The following CTPS1 variants were observed in gnomAD, a reference collection of about 807,000 sequenced individuals.
The protein encoded by CTPS1 is CTP synthase 1, also known as CTP synthetase 1.
A neutral mutation model predicts 80.5 loss-of-function variants in CTPS1; 25 were observed. The observed-to-expected ratio is 0.31, with a 90% CI of 0.23 to 0.43. The LOEUF (loss-of-function observed/expected upper bound fraction) is 0.43, where lower values mean the gene tolerates loss of function less well. Ranked by LOEUF, CTPS1 falls within the 20% of genes least tolerant of loss-of-function variation. The probability of loss-of-function intolerance (pLI) is 1.00; values close to 1 mark genes in which losing one functional copy is unlikely to be tolerated. For missense variants in CTPS1, 442 were observed against 725.7 expected (o/e 0.61, Z 4.49); for synonymous variants, 267 against 252.5 (o/e 1.06, Z -0.54).
chr1:40,984,764 T>C (rs1642409127), intron 2 of CTPS1, 57 bp from the exon 3 acceptor site: 1 of 1,297,924 alleles, frequency 7.7e-7, no homozygotes, highest in Non-Finnish European at 1.0e-6. Context: ...GGATTGCAGT[T>C]GTGCCATGGT....
chr1:41,007,850 A>T lies in CTPS1; in HGVS notation c.1393+305A>T, dbSNP rs1029063894. Among the ~76,000 whole-genome samples, 12 of 152,220 alleles carry T rather than the reference A, an allele frequency of 7.9e-5. No individual in the cohort carries two copies. Among genetic ancestry groups the T allele is most frequent in the Admixed American group, 7.9e-4 (12 of 15,280 alleles). ...TTACTTTCCTATTAAGACCAGCCAT[A>T]TCAATTGCTGATGTTTGGCAATTTT... is the stretch of plus-strand genomic sequence containing the variant. On this transcript the variant is annotated intron_variant, in intron 14 of 18. Transcript: ENST00000650070. The surrounding 1 kb of genome is among the most constrained non-coding windows in gnomAD (Gnocchi z 4.4).
intron 12 of CTPS1, among the ~76,000 whole-genome samples, chr1:41,003,776 G>A (rs1003514698): frequency 1.3e-5 from 2 of 152,218 alleles, no homozygotes; most frequent in African/African-American, 4.8e-5. Context: ...CTAAAGCTCA[G>A]TGGCTCCCAA....
At chr1:40,998,181 G>A (rs189333354) in intron 9 of CTPS1, among the ~76,000 whole-genome samples, 7 of 152,154 alleles carry the variant, frequency 4.6e-5, no homozygotes, top group East Asian at 3.9e-4. Context: ...GGCAGATCAC[G>A]AGGTCAGGAG....
At chr1:41,002,862 A>G (rs1279791929) in intron 11 of CTPS1, among the ~76,000 whole-genome samples, 1 of 152,196 alleles carries the variant, frequency 6.6e-6, no homozygotes, top group Non-Finnish European at 1.5e-5. Context: ...AAAGTACTGA[A>G]TAGAATATCA....
In CTPS1 at chr1:40,997,451, C is replaced by T. The variant is rs1642784931; in HGVS notation, c.930C>T (p.Phe310=). The T allele has an allele frequency of 6.2e-7, 1 of 1,614,198 alleles. No individual in the cohort carries two copies. Among genetic ancestry groups the T allele is most frequent in the Non-Finnish European group, 8.5e-7 (1 of 1,180,040 alleles). Residue 310 remains phenylalanine, a synonymous_variant, in exon 9 of 19, where the codon TTC becomes TTT. Transcript: ENST00000650070. ...SIALVGKYTK[F]SDSYASVIKA... ...CCCTTGTGGGCAAATACACGAAGTT[C>T]TCAGACTCCTATGCCTCTGTCATTA... is the stretch of plus-strand genomic sequence containing the variant.
In CTPS1 at chr1:41,007,559, C is replaced by T. The variant is rs1315359162; in HGVS notation, c.1393+14C>T. On this transcript the variant is annotated intron_variant, in intron 14 of 18. Transcript: ENST00000650070. This position sits in a 1 kb window ranked among gnomAD's most constrained non-coding sequence, Gnocchi z 4.4. The stretch of plus-strand genomic sequence containing the variant: ...ACTCAGTCATGAGTAAGAGCTGCCT[C>T]ACGCTGGCCCAGCCTTTGGCTCTGC... 8.7e-6 allele frequency: 14 copies of T among 1,610,290 alleles called. No homozygotes were observed. The highest frequency in any genetic ancestry group is 1.1e-5 in the Non-Finnish European group (13 of 1,176,998).
rs1643176639 is a variant in CTPS1, at chr1:41,011,686, T to C, written c.*38T>C. The C allele has an allele frequency of 6.6e-6, 1 of 152,202 alleles. No homozygotes were observed. The highest frequency in any genetic ancestry group is 2.4e-5 in the African/African-American group (1 of 41,442). 9.4% of individuals were successfully genotyped at this position (152,202 alleles called of 1,614,324 possible). On this transcript the variant is annotated 3_prime_UTR_variant, in exon 19 of 19. Coordinates refer to ENST00000650070, the MANE Select transcript of CTPS1 (RefSeq NM_001905.4). ...TGATTCTTCAAGAGACCCTTCAAAC[T>C]TGGGTAGAGTTTACAGCTCTGACTT...
chr1:40,994,115 C>G (rs1642692537), intron 7 of CTPS1, among the ~76,000 whole-genome samples: 1 of 152,128 alleles, frequency 6.6e-6, no homozygotes, highest in African/African-American at 2.4e-5. Context: ...AGCACAGACA[C>G]TTTTAAATTT....
intron 5 of CTPS1, among the ~76,000 whole-genome samples, chr1:40,989,176 C>T (rs1434551294): frequency 1.3e-5 from 2 of 152,168 alleles, no homozygotes; most frequent in Non-Finnish European, 2.9e-5. Context: ...GAGGGTGGGC[C>T]TCATGTAACT....
Position 41,008,676 on chromosome 1 carries a change from G to A in CTPS1, c.1411G>A (p.Ala471Thr), listed in dbSNP as rs374862639. The change falls in exon 15 of 19, where the codon GCA (alanine) becomes ACA (threonine). Residue 471 changes from alanine (A) to threonine (T), a missense_variant. This residue lies in a region of CTPS1 where 321 missense variants were observed against 467.2 expected (regional missense o/e 0.69). Coordinates refer to ENST00000650070, the MANE Select transcript of CTPS1 (RefSeq NM_001905.4). ...NSVMRKLYGD[A>T]DYLEERHRHR... ...TTTGCCAGGGAAACTCTATGGAGAC[G>A]CAGACTACTTGGAAGAGAGGCACCG... 6.6e-5 allele frequency: 107 copies of A among 1,614,160 alleles called. No homozygotes were observed. In the African/African-American group the frequency reaches 7.3e-4, roughly 11 times the overall value.
Position 41,008,991 on chromosome 1 carries a change from A to G in CTPS1, c.1546+101A>G, listed in dbSNP as rs564789167. 6.4e-5 allele frequency: 61 copies of G among 951,720 alleles called. 1 individual carries two copies. The South Asian group carries it at 8.5e-4, about 13-fold the overall frequency. 59.0% of individuals were successfully genotyped at this position (951,720 alleles called of 1,614,324 possible). On this transcript the variant is annotated intron_variant, in intron 16 of 18. Coordinates refer to ENST00000650070, the MANE Select transcript of CTPS1 (RefSeq NM_001905.4). ...TATCTTGTTGCTCCTGACCTAACAG[A>G]ATTAGGAAGCAGCACTGTCTCATGA...
chr1:40,989,031 T>G (rs1283949732), intron 5 of CTPS1, among the ~76,000 whole-genome samples: 1 of 152,122 alleles, frequency 6.6e-6, no homozygotes, highest in African/African-American at 2.4e-5. Flanking sequence ...TAACAAAAAT[T>G]GGGAAGCCGG....
intron 1 of CTPS1, 199 bp downstream of exon 1, chr1:40,980,028 C>G (rs1180657413): frequency 6.6e-6 from 1 of 151,336 alleles, no homozygotes; most frequent in Non-Finnish European, 1.5e-5. Context: ...GGCCGGCGAG[C>G]TGCCGGCTCC....
At position 40,984,999 on chromosome 1, in the gene CTPS1, T is replaced by C. The variant is rs767357701; in HGVS notation, c.337+8T>C. On this transcript the variant is annotated splice_region_variant and intron_variant, in intron 3 of 18. Transcript: ENST00000650070. ...TGGGGAAAACTGTCCAAGGTAATAC[T>C]GGATTTACCTTTAAAGCTTAAAAGT... The C allele has an allele frequency of 3.2e-6, 5 of 1,541,534 alleles. No individual in the cohort carries two copies. Among genetic ancestry groups the C allele is most frequent in the Non-Finnish European group, 4.4e-6 (5 of 1,133,960 alleles).
chr1:40,988,856 TTAC>T (rs1642525837), intron 5 of CTPS1, 146 bp downstream of exon 5: 2 of 621,432 alleles, frequency 3.2e-6, no homozygotes. Context: ...TTTAAATTTG[TTAC>T]AATCATACTT....
At chr1:41,004,479 A>G (rs572714934) in intron 12 of CTPS1, among the ~76,000 whole-genome samples, 1 of 152,146 alleles carries the variant, frequency 6.6e-6, no homozygotes, top group Non-Finnish European at 1.5e-5. Context: ...TGGATCCTTC[A>G]CAGCCCCAGA....
At position 40,991,149 on chromosome 1, in the gene CTPS1, T is replaced by TG. The variant is rs572312351; in HGVS notation, c.556-16_556-15insG. ...GAGGGAAACTAACTTTTTTTTTTTT[T>TG]TCTTTTGTGAAATAGCCAAGTTCAA... On this transcript the variant is annotated splice_polypyrimidine_tract_variant and intron_variant, in intron 5 of 18. Transcript: ENST00000650070. 204 of 1,565,134 alleles carry TG rather than the reference T, an allele frequency of 1.3e-4. No homozygotes were observed. Among genetic ancestry groups the TG allele is most frequent in the Middle Eastern group, 3.4e-4 (2 of 5,938 alleles).
chr1:41,005,477 T>TA (rs1203061017), intron 12 of CTPS1, among the ~76,000 whole-genome samples: 1 of 152,022 alleles, frequency 6.6e-6, no homozygotes, highest in Non-Finnish European at 1.5e-5. Flanking sequence ...CTGTCAAAGA[T>TA]ACAGTATCTA....
In CTPS1 at chr1:40,988,668, A is replaced by G; in HGVS notation, c.513A>G (p.Lys171=). The change falls in exon 5 of 19, where the codon AAA becomes AAG. Residue 171 remains lysine, a synonymous_variant. Coordinates refer to ENST00000650070, the MANE Select transcript of CTPS1 (RefSeq NM_001905.4). ...TCCGTCAGTTCCAATTCAAGGTCAA[A>G]AGAGAGAACTTTTGTAACATCCACG... ...EAFRQFQFKV[K]RENFCNIHVS... 6.2e-7 allele frequency: 1 copy of G among 1,614,110 alleles called. No individual in the cohort carries two copies. The highest frequency in any genetic ancestry group is 1.3e-5 in the African/African-American group (1 of 75,040).
Sources: allele counts gnomAD v4.1 joint callset (sites outside exome capture counted in the v4.1 genomes callset), GRCh38; gene constraint gnomAD v4.1.1; regional missense constraint gnomAD v4.1.1; non-coding constraint Gnocchi (gnomAD v3.1); transcripts MANE v1.5; gene names NCBI Gene and HGNC (gene_info 2026-07-23, HGNC 2026-07-21).